Variants in BCO2 observed in about 807,000 individuals in gnomAD.
BCO2 encodes the protein beta-carotene oxygenase 2, also known as carotenoid-cleaving dioxygenase, mitochondrial.
A neutral mutation model predicts 65.8 loss-of-function variants in BCO2; 56 were observed. That is an observed-to-expected ratio of 0.85 (90% CI 0.69 to 1.06). The LOEUF (loss-of-function observed/expected upper bound fraction) is 1.06, where lower values mean the gene tolerates loss of function less well. BCO2 is among the 50% of genes least tolerant of loss of function. The pLI is 0.00. For missense variants in BCO2, 675 were observed against 698.5 expected, an observed-to-expected ratio of 0.97 and a Z score of 0.38; for synonymous variants, 233 against 242.3, an observed-to-expected ratio of 0.96 and a Z score of 0.36.
At chr11:112,185,701 C>A (rs1032298470) in intron 2 of BCO2, among the ~76,000 whole-genome samples, 1 of 151,970 alleles carries the variant, frequency 6.6e-6, no homozygotes, top group Admixed American at 6.6e-5. Context: ...CAAGTCTGAA[C>A]GATCATTATT....
chr11:112,203,544 T>C (rs915615290), intron 8 of BCO2, among the ~76,000 whole-genome samples: 1 of 152,036 alleles, frequency 6.6e-6, no homozygotes, highest in African/African-American at 2.4e-5. Context: ...AAATGGTTAG[T>C]ATAGTGAGGC....
chr11:112,216,293 G>T lies in BCO2; in HGVS notation c.1589G>T (p.Gly530Val). ...GCACCAGGAACCAATGAAGAAGATG[G>T]TGGGGTTATTCTTTCTGTGGTGATC... Reference protein sequence around the residue: ...VPAPGTNEEDGGVILSVVITP... With the variant: ...VPAPGTNEEDVGVILSVVITP... The change falls in exon 11 of 12, where the codon GGT (glycine) becomes GTT (valine). Residue 530 changes from glycine to valine, a missense_variant. Coordinates refer to ENST00000357685, the MANE Select transcript of BCO2 (RefSeq NM_031938.7). 1.2e-6 allele frequency: 2 copies of T among 1,614,102 alleles called. No homozygotes were observed. Among genetic ancestry groups the T allele is most frequent in the Non-Finnish European group, 1.7e-6 (2 of 1,179,974 alleles).
chr11:112,199,713 G>A lies in BCO2; in HGVS notation c.751G>A (p.Val251Ile). ...TCATTTTTCAGGTTTCTCCTATAAG[G>A]TTATTCGGGTTCCTCCAGAGAAGGT... ...SFGPYGFSYK[V>I]IRVPPEKVDL... Residue 251 changes from valine to isoleucine, a missense_variant, in exon 6 of 12, where the codon GTT becomes ATT. By Grantham distance (29) the Val-to-Ile change is conservative. Coordinates refer to ENST00000357685, the MANE Select transcript of BCO2 (RefSeq NM_031938.7). 6.2e-7 allele frequency: 1 copy of A among 1,613,630 alleles called. No homozygotes were observed. Among genetic ancestry groups the A allele is most frequent in the Non-Finnish European group, 8.5e-7 (1 of 1,179,590 alleles).
chr11:112,216,283 G>A lies in BCO2; in HGVS notation c.1579G>A (p.Glu527Lys). ...TTTTGTTCCAGCACCAGGAACCAAT[G>A]AAGAAGATGGTGGGGTTATTCTTTC... Reference protein sequence around the residue: ...PVFVPAPGTNEEDGGVILSVV... With the variant: ...PVFVPAPGTNKEDGGVILSVV... The change falls in exon 11 of 12, where the codon GAA (glutamate) becomes AAA (lysine). Residue 527 changes from glutamate (E) to lysine (K), a missense_variant. Coordinates refer to ENST00000357685, the MANE Select transcript of BCO2 (RefSeq NM_031938.7). The A allele has an allele frequency of 6.2e-7, 1 of 1,614,172 alleles. No individual in the cohort carries two copies. The highest frequency in any genetic ancestry group is 8.5e-7 in the Non-Finnish European group (1 of 1,179,998).
chr11:112,193,918 A>G lies in BCO2; in HGVS notation c.557A>G (p.Lys186Arg), dbSNP rs1188610717. Residue 186 changes from lysine (K) to arginine (R), a missense_variant, in exon 4 of 12, where the codon AAG becomes AGG. Transcript: ENST00000357685. ...ACTAATGTCAACTATGTGCGGTACA[A>G]GGGTGATTACTACCTCTGCACTGAG... ...DNTNVNYVRY[K>R]GDYYLCTETN... is the part of the protein sequence containing the mutation. 1 of 1,612,728 alleles carries G rather than the reference A, an allele frequency of 6.2e-7. No homozygotes were observed. The highest frequency in any genetic ancestry group is 1.1e-5 in the South Asian group (1 of 91,046).
intron 11 of BCO2, among the ~76,000 whole-genome samples, chr11:112,216,562 C>A (rs755240468): frequency 1.6e-4 from 24 of 152,324 alleles, no homozygotes; most frequent in Admixed American, 4.6e-4. Context: ...TATTTACGAA[C>A]TACTTACACA....
intron 1 of BCO2, among the ~76,000 whole-genome samples, chr11:112,177,783 A>T (rs1866923544): frequency 6.6e-6 from 1 of 152,136 alleles, no homozygotes; most frequent in Non-Finnish European, 1.5e-5. Flanking sequence ...GAGAGGGCAT[A>T]TTTGAAACCA....
chr11:112,213,246 T>C (rs930475886), intron 8 of BCO2, among the ~76,000 whole-genome samples: 2 of 143,356 alleles, frequency 1.4e-5, no homozygotes, highest in Non-Finnish European at 3.0e-5. Flanking sequence ...CAGGTTCAAG[T>C]GATTCTCCTG....
chr11:112,202,830 G>C (rs761813264), intron 8 of BCO2, among the ~76,000 whole-genome samples: 1 of 152,094 alleles, frequency 6.6e-6, no homozygotes, highest in Non-Finnish European at 1.5e-5. Flanking sequence ...CAGATCACTT[G>C]AGCTCAGGAA....
intron 5 of BCO2, among the ~76,000 whole-genome samples, chr11:112,197,650 T>C (rs181483452): frequency 3.9e-5 from 6 of 152,200 alleles, no homozygotes; most frequent in African/African-American, 1.4e-4. Flanking sequence ...TTTGAGTCAC[T>C]ATCCCTTCTC....
chr11:112,215,770 G>C (rs1194234082), intron 10 of BCO2: 1 of 152,846 alleles, frequency 6.5e-6, no homozygotes, highest in Non-Finnish European at 1.4e-5. Flanking sequence ...AAAAAGAAAA[G>C]AGGCTTATTT....
At chr11:112,194,458 T>TG in intron 4 of BCO2, 195 bp from the exon 5 acceptor site, 1 of 516,304 alleles carries the variant, frequency 1.9e-6, no homozygotes, top group Middle Eastern at 5.0e-4. Flanking sequence ...AGTGGTGATG[T>TG]GTTTTTGTTT....
intron 5 of BCO2, among the ~76,000 whole-genome samples, chr11:112,195,038 T>TA (rs1372710330): frequency 6.6e-6 from 1 of 152,114 alleles, no homozygotes; most frequent in African/African-American, 2.4e-5. Flanking sequence ...TCTTGATCAT[T>TA]AAAAAAATCA....
At chr11:112,177,201 T>C (rs1309061152) in intron 1 of BCO2, among the ~76,000 whole-genome samples, 2 of 152,204 alleles carry the variant, frequency 1.3e-5, no homozygotes, top group Admixed American at 6.5e-5. Context: ...TGCATAATGT[T>C]AATAAAAGTA....
At chr11:112,215,872 CAA>C (rs1445321578) in intron 10 of BCO2, 1 of 213,980 alleles carries the variant, frequency 4.7e-6, no homozygotes, top group Non-Finnish European at 9.5e-6. Flanking sequence ...TGGCAGAAGG[CAA>C]AGAGGGAGCC....
Position 112,202,035 on chromosome 11 carries a change from A to C in BCO2, c.1039A>C (p.Arg347=). ...TTTTCCCCTGCAGCTCCTTCCAGGG[A>C]GATACTACAGCAAACCTTTTGTTAC... The part of the protein sequence containing the change: ...EKRTGQLLPG[R]YYSKPFVTFH... The change falls in exon 8 of 12, where the codon AGA becomes CGA. Residue 347 remains arginine, a synonymous_variant. Coordinates refer to ENST00000357685, the MANE Select transcript of BCO2 (RefSeq NM_031938.7). 1 of 1,592,412 alleles carries C rather than the reference A, an allele frequency of 6.3e-7. No homozygotes were observed. The highest frequency in any genetic ancestry group is 8.5e-7 in the Non-Finnish European group (1 of 1,171,766).
chr11:112,185,656 C>A (rs1253372452), intron 2 of BCO2, among the ~76,000 whole-genome samples: 1 of 152,166 alleles, frequency 6.6e-6, no homozygotes, highest in Non-Finnish European at 1.5e-5. Flanking sequence ...AATAAAACTT[C>A]ACACTATCAT....
chr11:112,198,892 C>T (rs1289700771), intron 5 of BCO2, among the ~76,000 whole-genome samples: 4 of 150,306 alleles, frequency 2.7e-5, no homozygotes, highest in African/African-American at 9.8e-5. Flanking sequence ...AACTTCAACT[C>T]TATGACCTGT....
rs1859619554 is a variant in BCO2, at chr11:112,214,918, G to A, written c.1489G>A (p.Val497Ile). The A allele has an allele frequency of 2.5e-6, 4 of 1,614,164 alleles. No homozygotes were observed. Among genetic ancestry groups the A allele is most frequent in the East Asian group, 2.2e-5 (1 of 44,872 alleles). Residue 497 changes from valine (V) to isoleucine (I), a missense_variant, in exon 10 of 12, where the codon GTT becomes ATT. By Grantham distance (29) the Val-to-Ile change is conservative (BLOSUM62 3). Transcript: ENST00000357685. ...TTTAGTGGGGGATTCTCTGATCAAG[G>A]TTGATGTGGTGAATAAGACACTGAA... Reference protein sequence around the residue: ...RHLVGDSLIKVDVVNKTLKVW... With the variant: ...RHLVGDSLIKIDVVNKTLKVW...
Sources: allele counts gnomAD v4.1 joint callset (sites outside exome capture counted in the v4.1 genomes callset), GRCh38; gene constraint gnomAD v4.1.1; transcripts MANE v1.5; gene names NCBI Gene and HGNC (gene_info 2026-07-23, HGNC 2026-07-21).